The following THSD1 variants were observed in gnomAD, a reference collection of about 807,000 sequenced individuals.
THSD1 encodes thrombospondin type 1 domain containing 1.
A neutral mutation model predicts 46.3 loss-of-function variants in THSD1; 34 were observed. The ratio of observed to expected loss-of-function variants is 0.74; its 90% CI spans 0.56 to 0.98. The LOEUF (loss-of-function observed/expected upper bound fraction) is 0.98, where lower values mean the gene tolerates loss of function less well. Ranked by LOEUF, THSD1 falls within the 50% of genes least tolerant of loss-of-function variation. The probability of loss-of-function intolerance (pLI) is 0.00; values close to 1 mark genes in which losing one functional copy is unlikely to be tolerated. For synonymous variants in THSD1, 407 were observed against 416.5 expected, an observed-to-expected ratio of 0.98 and a Z score of 0.28; for missense variants, 1,023 against 1,058.3, an observed-to-expected ratio of 0.97 and a Z score of 0.46.
At chr13:52,383,039 T>C (rs1161299155) in intron 4 of THSD1, among the ~76,000 whole-genome samples, 2 of 151,872 alleles carry the variant, frequency 1.3e-5, no homozygotes, top group African/African-American at 4.8e-5. Context: ...AGACTGGAGA[T>C]GTCTTGGGCT....
rs1406302251 is a variant in THSD1 at position 52,378,050 on chromosome 13, G to C, written c.1920C>G (p.Ser640=). ...GGGCGTTCCTGGCATGGCTCCTTTC[G>C]GACGGGCCCCCTCTGCTGCCCACGT... ...ARHVGSRGGP[S]ERSHARNAHF... is the part of the protein sequence containing the mutation. Residue 640 remains serine (S), a synonymous_variant, in exon 5 of 5, where the codon TCC becomes TCG. Coordinates refer to ENST00000258613, the MANE Select transcript of THSD1 (RefSeq NM_018676.4). The C allele has an allele frequency of 6.2e-7, 1 of 1,613,984 alleles. No homozygotes were observed. The highest frequency in any genetic ancestry group is 8.5e-7 in the Non-Finnish European group (1 of 1,180,038).
intron 2 of THSD1, among the ~76,000 whole-genome samples, chr13:52,400,319 C>T (rs1405332561): frequency 2.6e-5 from 4 of 152,090 alleles, no homozygotes; most frequent in Non-Finnish European, 5.9e-5. Flanking sequence ...CAATTTGGGC[C>T]AGGCACGGTG....
intron 3 of THSD1, among the ~76,000 whole-genome samples, chr13:52,394,205 C>A (rs9526910): frequency 0.072 from 10,915 of 152,322 alleles, 521 homozygotes; most frequent in African/African-American, 0.13. Context: ...ACCAAGGTGG[C>A]CCTCCTGCCC....
chr13:52,385,607 G>C (rs1957725077), intron 4 of THSD1, among the ~76,000 whole-genome samples: 4 of 152,116 alleles, frequency 2.6e-5, no homozygotes, highest in Admixed American at 2.6e-4. Flanking sequence ...AATGGTCTAT[G>C]TGGTCCCCTG....
rs371440163 is a variant in THSD1 at position 52,377,908 on chromosome 13, A to T, written c.2062T>A (p.Cys688Ser). 24 of 1,614,186 alleles carry T rather than the reference A, an allele frequency of 1.5e-5. No homozygotes were observed. The highest frequency in any genetic ancestry group is 1.8e-5 in the Non-Finnish European group (21 of 1,180,024). The change falls in exon 5 of 5, where the codon TGC becomes AGC. Residue 688 changes from cysteine (C) to serine (S), a missense_variant. Physicochemically the swap from Cys to Ser is moderately radical, Grantham distance 112 (BLOSUM62 -1). Transcript: ENST00000258613. Reference protein sequence around the residue: ...APAYSSRTRTCEQAEDRFRPQ... With the variant: ...APAYSSRTRTSEQAEDRFRPQ... ...CTAAATCTGTCCTCTGCCTGCTCGC[A>T]GGTCCGCGTCCTAGAGCTGTAGGCA...
intron 4 of THSD1, among the ~76,000 whole-genome samples, chr13:52,383,541 C>G (rs1957707787): frequency 6.6e-6 from 1 of 152,194 alleles, no homozygotes; most frequent in African/African-American, 2.4e-5. Flanking sequence ...AGCAGCATTG[C>G]TATTACACAC....
chr13:52,403,027 ATTAT>A (rs1205229023), intron 1 of THSD1: 1 of 809,818 alleles, frequency 1.2e-6, no homozygotes, highest in Non-Finnish European at 1.5e-6. Flanking sequence ...ACATTTTCAC[ATTAT>A]TTATCTGCTT....
At chr13:52,384,761 G>A (rs925787860) in intron 4 of THSD1, among the ~76,000 whole-genome samples, 1 of 152,122 alleles carries the variant, frequency 6.6e-6, no homozygotes, top group Non-Finnish European at 1.5e-5. Context: ...AGGTGTATTT[G>A]AGGGAAGTTA....
intron 1 of THSD1, among the ~76,000 whole-genome samples, chr13:52,405,506 A>C (rs1001787134): frequency 1.3e-5 from 2 of 152,028 alleles, no homozygotes; most frequent in African/African-American, 2.4e-5. Context: ...TGTTCATTCG[A>C]GTTTGCTCTG....
chr13:52,383,642 C>A (rs1413651233), intron 4 of THSD1, among the ~76,000 whole-genome samples: 1 of 152,200 alleles, frequency 6.6e-6, no homozygotes, highest in African/African-American at 2.4e-5. Context: ...AGCTGCTGGC[C>A]TCGCCCATCT....
At chr13:52,384,567 T>C (rs1319633719) in intron 4 of THSD1, among the ~76,000 whole-genome samples, 5 of 152,228 alleles carry the variant, frequency 3.3e-5, no homozygotes, top group Non-Finnish European at 7.3e-5. Context: ...TTAAGTGAGA[T>C]AATGTATTTT....
At position 52,377,894 on chromosome 13, in the gene THSD1, C is replaced by T; in HGVS notation, c.2076G>A (p.Glu692=). The T allele has an allele frequency of 1.2e-6, 2 of 1,614,220 alleles. No homozygotes were observed. The highest frequency in any genetic ancestry group is 4.5e-5 in the East Asian group (2 of 44,880). ...CTCGACTCTGAGGCCTAAATCTGTC[C>T]TCTGCCTGCTCGCAGGTCCGCGTCC... is the stretch of plus-strand genomic sequence containing the variant. ...SSRTRTCEQA[E]DRFRPQSRGA... is the part of the protein sequence containing the mutation. The change falls in exon 5 of 5, where the codon GAG becomes GAA. Residue 692 remains glutamate, a synonymous_variant. Transcript: ENST00000258613.
At position 52,378,477 on chromosome 13, in the gene THSD1, T is replaced by C. The variant is rs1472706088; in HGVS notation, c.1493A>G (p.Tyr498Cys). 12 of 1,614,088 alleles carry C rather than the reference T, an allele frequency of 7.4e-6. No homozygotes were observed. Among genetic ancestry groups the C allele is most frequent in the Non-Finnish European group, 1.7e-6 (2 of 1,180,052 alleles). The change falls in exon 5 of 5, where the codon TAC becomes TGC. Residue 498 changes from tyrosine to cysteine, a missense_variant. Physicochemically the swap from Tyr to Cys is radical, Grantham distance 194. Coordinates refer to ENST00000258613, the MANE Select transcript of THSD1 (RefSeq NM_018676.4). ...SPGDTGIPLT[Y>C]RRSGPVPPED... ...GGGAGGTACCGGCCCGCTCCGCCTG[T>C]AGGTCAGAGGGATGCCTGTGTCCCC...
intron 2 of THSD1, among the ~76,000 whole-genome samples, chr13:52,399,448 T>C (rs2137747062): frequency 6.6e-6 from 1 of 152,346 alleles, no homozygotes; most frequent in South Asian, 2.1e-4. Context: ...TTATTATATA[T>C]GCCTCATGAA....
chr13:52,390,942 G>A (rs1475418780), intron 3 of THSD1, among the ~76,000 whole-genome samples: 2 of 152,034 alleles, frequency 1.3e-5, no homozygotes, highest in African/African-American at 2.4e-5. Context: ...AAGTATATTT[G>A]TTAGATTAAA....
chr13:52,405,549 G>C (rs1846477450), intron 1 of THSD1, among the ~76,000 whole-genome samples: 1 of 152,112 alleles, frequency 6.6e-6, no homozygotes, highest in South Asian at 2.1e-4. Flanking sequence ...CAGCGTTCCT[G>C]GGACGCCCTG....
chr13:52,389,296 C>A (rs778315024), intron 3 of THSD1, among the ~76,000 whole-genome samples: 1 of 151,942 alleles, frequency 6.6e-6, no homozygotes, highest in Non-Finnish European at 1.5e-5. Context: ...AAATAATAAA[C>A]CAATAGTGTA....
intron 4 of THSD1, among the ~76,000 whole-genome samples, chr13:52,381,422 C>T (rs1159683044): frequency 6.6e-6 from 1 of 152,122 alleles, no homozygotes; most frequent in Non-Finnish European, 1.5e-5. Context: ...CCATGGGTCC[C>T]CTAAAACACC....
Position 52,386,089 on chromosome 13 carries a change from G to A in THSD1, c.1119C>T (p.Ser373=). The change falls in exon 4 of 5, where the codon TCC becomes TCT. Residue 373 remains serine (S), a synonymous_variant. Transcript: ENST00000258613. ...RRRVCLTSFP[S]SPVCPGMSLE... ...AGGACATTCCAGGGCAGACAGGACT[G>A]GAGGGGAAGGAAGTGAGACACACTC... 1 of 1,614,092 alleles carries A rather than the reference G, an allele frequency of 6.2e-7. No individual in the cohort carries two copies. Among genetic ancestry groups the A allele is most frequent in the South Asian group, 1.1e-5 (1 of 91,080 alleles).
Sources: gnomAD v4.1 joint callset for allele counts (sites outside exome capture counted in the v4.1 genomes callset) on GRCh38, gnomAD v4.1.1 for gene constraint, MANE v1.5 for transcripts, NCBI Gene and HGNC (gene_info 2026-07-23, HGNC 2026-07-21) for gene names.